Variants in SMAD3 observed in about 807,000 individuals in gnomAD.
SMAD3 encodes the protein MAD homolog 3.
In SMAD3, 12 loss-of-function variants were observed where a neutral mutation model predicts 51.8. The observed-to-expected ratio is 0.23, with a 90% CI of 0.15 to 0.38. SMAD3 has a LOEUF of 0.38. Among genes scored for constraint, SMAD3 ranks in the 10% least tolerant of loss-of-function variants. The probability of loss-of-function intolerance (pLI) is 1.00; values close to 1 mark genes in which losing one functional copy is unlikely to be tolerated. For missense variants in SMAD3, 294 were observed against 565.6 expected (o/e 0.52, Z 4.87); for synonymous variants, 238 against 227.7 (o/e 1.05, Z -0.41).
intron 1 of SMAD3, among the ~76,000 whole-genome samples, chr15:67,147,942 A>G (rs1207428045): frequency 6.6e-6 from 1 of 152,170 alleles, no homozygotes; most frequent in East Asian, 1.9e-4. Flanking sequence ...GAAAGAGTCA[A>G]AGTTCTGAAG....
chr15:67,135,630 G>A (rs939054395), intron 1 of SMAD3, among the ~76,000 whole-genome samples: 2 of 151,870 alleles, frequency 1.3e-5, no homozygotes, highest in African/African-American at 4.8e-5. Context: ...TATACTCTCA[G>A]GCCAAGAATT....
chr15:67,083,968 A>G (rs540802420), intron 1 of SMAD3, among the ~76,000 whole-genome samples: 6 of 152,140 alleles, frequency 3.9e-5, no homozygotes, highest in South Asian at 4.2e-4. Context: ...GGGGAAGTCA[A>G]CTTGACTTCC....
intron 1 of SMAD3, chr15:67,138,398 C>T (rs535323674): frequency 1.0e-4 from 41 of 391,870 alleles, no homozygotes; most frequent in African/African-American, 4.9e-4. Flanking sequence ...AGTGGATTTG[C>T]GGAAGAGGGT....
intron 1 of SMAD3, among the ~76,000 whole-genome samples, chr15:67,101,242 C>T (rs973315501): frequency 3.3e-5 from 5 of 152,160 alleles, no homozygotes; most frequent in Non-Finnish European, 7.3e-5. Context: ...TTCTTTTCTT[C>T]TCTTTTTGAC....
intron 5 of SMAD3, among the ~76,000 whole-genome samples, chr15:67,177,421 G>GGTT (rs1227416753): frequency 1.7e-3 from 12 of 6,910 alleles, no homozygotes; most frequent in Non-Finnish European, 1.7e-3. Context: ...TAGTGTTTTG[G>GGTT]GTTTTTTTTT....
chr15:67,130,468 A>G (rs1170445028), intron 1 of SMAD3, among the ~76,000 whole-genome samples: 1 of 152,208 alleles, frequency 6.6e-6, no homozygotes. Flanking sequence ...CGGCTGCATT[A>G]GATTCTCATA....
intron 1 of SMAD3, among the ~76,000 whole-genome samples, chr15:67,107,082 C>T (rs1035902996): frequency 6.6e-6 from 1 of 151,962 alleles, no homozygotes; most frequent in Admixed American, 6.6e-5. Flanking sequence ...AGTCATCACC[C>T]TCTCTCCCAC....
At chr15:67,127,585 A>G (rs1961421667) in intron 1 of SMAD3, among the ~76,000 whole-genome samples, 1 of 152,206 alleles carries the variant, frequency 6.6e-6, no homozygotes, top group Non-Finnish European at 1.5e-5. Flanking sequence ...CCTGGCAATT[A>G]GTCATATGCA....
intron 1 of SMAD3, chr15:67,138,164 A>G (rs1961715722): frequency 1.6e-6 from 2 of 1,267,638 alleles, no homozygotes; most frequent in Non-Finnish European, 2.3e-6. Flanking sequence ...ACCCGTCCAC[A>G]GGGTTGCTGG....
Position 67,159,538 on chromosome 15 carries a change from G to A in SMAD3, c.207-5357G>A, listed in dbSNP as rs1192486444. On this transcript the variant is annotated intron_variant, in intron 1 of 8. Coordinates refer to ENST00000327367, the MANE Select transcript of SMAD3 (RefSeq NM_005902.4). ...ATAATAAGCCTTGCATATTTAAAGT[G>A]TGCAGTATGACAAATGATGATATAT... Among the ~76,000 whole-genome samples, 4 of 152,046 alleles carry A rather than the reference G, an allele frequency of 2.6e-5. No homozygotes were observed. In the South Asian group the frequency reaches 8.3e-4, roughly 31 times the overall value.
intron 1 of SMAD3, among the ~76,000 whole-genome samples, chr15:67,134,838 C>T (rs924900969): frequency 6.6e-6 from 1 of 152,192 alleles, no homozygotes; most frequent in Non-Finnish European, 1.5e-5. Context: ...TGTGCTGTTG[C>T]CCCTCACACT....
At chr15:67,163,529 A>G (rs1287155436) in intron 1 of SMAD3, among the ~76,000 whole-genome samples, 5 of 152,096 alleles carry the variant, frequency 3.3e-5, no homozygotes, top group African/African-American at 1.2e-4. Flanking sequence ...TGCCGCCCCA[A>G]GCTCCCCAGT....
At chr15:67,080,622 C>T (rs1248012598) in intron 1 of SMAD3, among the ~76,000 whole-genome samples, 1 of 152,176 alleles carries the variant, frequency 6.6e-6, no homozygotes, top group Non-Finnish European at 1.5e-5. Context: ...GGACTATTGG[C>T]TGGGAGTGGT....
intron 1 of SMAD3, among the ~76,000 whole-genome samples, chr15:67,101,109 G>A (rs1960745353): frequency 6.6e-6 from 1 of 152,210 alleles, no homozygotes; most frequent in Non-Finnish European, 1.5e-5. Flanking sequence ...TTGTGTCCTT[G>A]TGGATGTGTC....
chr15:67,187,668 G>T (rs767494204), intron 8 of SMAD3, among the ~76,000 whole-genome samples, 159 bp downstream of exon 8: 10 of 152,228 alleles, frequency 6.6e-5, no homozygotes, highest in Non-Finnish European at 1.3e-4. Context: ...GGCAGGAGGG[G>T]CCGGGCCAAC....
rs542708691 is a variant in SMAD3 at position 67,177,422 on chromosome 15, G to GTTTTGTTTTTTTT, written c.659-3815_659-3814insGTTTTTTTTTTTT. Among the ~76,000 whole-genome samples, 72 of 93,906 alleles carry GTTTTGTTTTTTTT rather than the reference G, an allele frequency of 7.7e-4. 2 individuals are homozygous for GTTTTGTTTTTTTT. The highest frequency in any genetic ancestry group is 2.7e-3 in the African/African-American group (70 of 25,468). The allele number at this position is 93,906 out of a possible 152,430, so 61.6% of individuals were successfully genotyped here. Reference sequence around the variant, plus strand: ...AATGAGGGCATATTTAGTGTTTTGGGTTTTTTTTTTTTTGGTGTGTGGCAG... The same window carrying GTTTTGTTTTTTTT: ...AATGAGGGCATATTTAGTGTTTTGGGTTTTGTTTTTTTTTTTTTTTTTTTTTGGTGTGTGGCAG... On this transcript the variant is annotated intron_variant, in intron 5 of 8. Transcript: ENST00000327367.
intron 6 of SMAD3, among the ~76,000 whole-genome samples, chr15:67,182,163 ATCTTC>A (rs1270311527): frequency 3.9e-5 from 6 of 152,194 alleles, no homozygotes; most frequent in Non-Finnish European, 8.8e-5. Flanking sequence ...TGGAAGAGTG[ATCTTC>A]TCTTATTTTC....
rs1449420339 is a variant in SMAD3 at position 67,165,010 on chromosome 15, CTG to C, written c.327_328del (p.Cys109Ter). 6.2e-7 allele frequency: 1 copy of C among 1,614,196 alleles called. No homozygotes were observed. The highest frequency in any genetic ancestry group is 8.5e-7 in the Non-Finnish European group (1 of 1,180,042). ...CCACCACGAGCTACGGGCCATGGAG[CTG>C]TGTGAGTTCGCCTTCAATATGAAGA... ...HSHHELRAME[L>X]CEFAFNMKKD... On this transcript the variant is annotated frameshift_variant, in exon 2 of 9. Transcript: ENST00000327367. LOFTEE classifies it high-confidence loss of function.
At chr15:67,085,410 C>T (rs914533049) in intron 1 of SMAD3, among the ~76,000 whole-genome samples, 3 of 152,172 alleles carry the variant, frequency 2.0e-5, no homozygotes, top group Non-Finnish European at 2.9e-5. Flanking sequence ...AAGTTTCTTC[C>T]ACCTTAAAAA....
Sources: gnomAD v4.1 joint callset for allele counts (sites outside exome capture counted in the v4.1 genomes callset) on GRCh38, gnomAD v4.1.1 for gene constraint, MANE v1.5 for transcripts, NCBI Gene and HGNC (gene_info 2026-07-23, HGNC 2026-07-21) for gene names.